SAMTOR: variants seen among roughly 807,000 people sequenced by gnomAD.
SAMTOR encodes the protein UPF0532 protein C7orf60.
the SAMTOR span, among the ~76,000 whole-genome samples, chr7:112,850,196 C>T: frequency 2.1e-4 from 31 of 148,510 alleles, no homozygotes; most frequent in African/African-American, 6.7e-4. Context: ...AGTGAAACTC[C>T]GTCTCAAAAC....
At chr7:112,912,967 A>C in the SAMTOR span, among the ~76,000 whole-genome samples, 1 of 152,182 alleles carries the variant, frequency 6.6e-6, no homozygotes, top group Non-Finnish European at 1.5e-5. Context: ...TGTAATAGTA[A>C]TTTAAAAGCA....
At chr7:112,863,375 C>G in the SAMTOR span, among the ~76,000 whole-genome samples, 10 of 152,232 alleles carry the variant, frequency 6.6e-5, no homozygotes, top group East Asian at 7.7e-4. Flanking sequence ...TAAGCAAAGG[C>G]AAATACTTCG....
the SAMTOR span, among the ~76,000 whole-genome samples, chr7:112,901,607 A>G: frequency 6.6e-6 from 1 of 152,256 alleles, no homozygotes; most frequent in Admixed American, 6.5e-5. Context: ...CAGTCAATGG[A>G]AAAATTGTCT....
the SAMTOR span, among the ~76,000 whole-genome samples, chr7:112,908,217 C>T: frequency 1.3e-5 from 2 of 152,188 alleles, no homozygotes; most frequent in Non-Finnish European, 1.5e-5. Context: ...ATAAAGCAGA[C>T]TGCCTTTCCT....
chr7:112,915,515 GCA>G, the SAMTOR span: 1 of 1,265,572 alleles, frequency 7.9e-7, no homozygotes, highest in East Asian at 2.8e-5. Context: ...ATAAGTTTTA[GCA>G]CAATCTGAAA....
At chr7:112,853,309 A>T in the SAMTOR span, among the ~76,000 whole-genome samples, 1 of 152,176 alleles carries the variant, frequency 6.6e-6, no homozygotes. Flanking sequence ...GATGTATATA[A>T]GCTATTCAAA....
chr7:112,847,215 A>G, the SAMTOR span, among the ~76,000 whole-genome samples: 17 of 152,358 alleles, frequency 1.1e-4, no homozygotes, highest in African/African-American at 3.8e-4. Context: ...TTGTGGTTAG[A>G]TATCTGGATT....
the SAMTOR span, among the ~76,000 whole-genome samples, chr7:112,911,740 T>G: frequency 6.6e-6 from 1 of 151,836 alleles, no homozygotes; most frequent in Non-Finnish European, 1.5e-5. Flanking sequence ...AAAAGCCAAG[T>G]AACTATTATA....
the SAMTOR span, among the ~76,000 whole-genome samples, chr7:112,880,917 A>C: frequency 2.6e-5 from 4 of 151,998 alleles, no homozygotes; most frequent in Admixed American, 2.0e-4. Flanking sequence ...AGAGCTACAC[A>C]CTCCATGAAG....
At chr7:112,879,542 C>CTA in the SAMTOR span, among the ~76,000 whole-genome samples, 66 of 152,244 alleles carry the variant, frequency 4.3e-4, no homozygotes, top group African/African-American at 1.6e-3. Context: ...TAAATTGCCA[C>CTA]TATTGCCACA....
At chr7:112,825,195 T>C in the SAMTOR span, among the ~76,000 whole-genome samples, 1 of 151,798 alleles carries the variant, frequency 6.6e-6, no homozygotes, top group Non-Finnish European at 1.5e-5. Context: ...CTAATTTTTC[T>C]ATTTTTTTTT....
At chr7:112,915,742 G>A in the SAMTOR span, among the ~76,000 whole-genome samples, 1 of 152,108 alleles carries the variant, frequency 6.6e-6, no homozygotes, top group Non-Finnish European at 1.5e-5. Flanking sequence ...TGGAAAAATT[G>A]ACAACATATA....
the SAMTOR span, among the ~76,000 whole-genome samples, chr7:112,864,341 T>C: frequency 1.3e-5 from 2 of 152,078 alleles, no homozygotes; most frequent in Admixed American, 1.3e-4. Flanking sequence ...ATGACACAAG[T>C]TTACCTATGT....
At chr7:112,883,750 T>A in the SAMTOR span, among the ~76,000 whole-genome samples, 33 of 152,356 alleles carry the variant, frequency 2.2e-4, no homozygotes, top group African/African-American at 7.9e-4. Context: ...ACTTCTGCCA[T>A]GGCAAGTACT....
At chr7:112,827,319 T>A in the SAMTOR span, among the ~76,000 whole-genome samples, 1 of 152,232 alleles carries the variant, frequency 6.6e-6, no homozygotes, top group African/African-American at 2.4e-5. Flanking sequence ...ATAATCTTGC[T>A]ATTTATTTTC....
chr7:112,890,033 G>A, the SAMTOR span, among the ~76,000 whole-genome samples: 1 of 152,178 alleles, frequency 6.6e-6, no homozygotes, highest in Non-Finnish European at 1.5e-5. Flanking sequence ...CTGCAGAATG[G>A]AGGACTAGTC....
the SAMTOR span, among the ~76,000 whole-genome samples, chr7:112,888,332 T>C: frequency 6.6e-6 from 1 of 152,152 alleles, no homozygotes; most frequent in South Asian, 2.1e-4. Context: ...GGTTAAGATG[T>C]GTTTTATGGC....
At chr7:112,833,272 G>A in the SAMTOR span, among the ~76,000 whole-genome samples, 5 of 152,206 alleles carry the variant, frequency 3.3e-5, no homozygotes, top group South Asian at 2.1e-4. Context: ...GTAACAATAC[G>A]TAATACTATA....
the SAMTOR span, among the ~76,000 whole-genome samples, chr7:112,907,192 G>A: frequency 6.2e-4 from 94 of 152,126 alleles, no homozygotes; most frequent in Admixed American, 1.4e-3. Context: ...CCAACTATAT[G>A]GGAAAACTTA....
Sources: gnomAD v4.1 joint callset for allele counts (sites outside exome capture counted in the v4.1 genomes callset) on GRCh38, gnomAD v4.1.1 for gene constraint, MANE v1.5 for transcripts, NCBI Gene and HGNC (gene_info 2026-07-23, HGNC 2026-07-21) for gene names.